Variants in POU6F2 observed in about 807,000 individuals in gnomAD.
POU6F2 encodes the protein POU class 6 homeobox 2, also known as POU domain, class 6, transcription factor 2.
In POU6F2, 31 loss-of-function variants were observed where a neutral mutation model predicts 71.3. That is an observed-to-expected ratio of 0.43 (90% CI 0.33 to 0.59). The LOEUF (loss-of-function observed/expected upper bound fraction) is 0.59, where lower values mean the gene tolerates loss of function less well. POU6F2 is among the 20% of genes least tolerant of loss of function. The probability of loss-of-function intolerance (pLI) is 0.04; values close to 1 mark genes in which losing one functional copy is unlikely to be tolerated. For missense variants in POU6F2, 783 were observed against 856.8 expected (o/e 0.91, Z 1.07); for synonymous variants, 347 against 355.7 (o/e 0.98, Z 0.27).
chr7:39,360,945 G>A (rs1786375893), intron 5 of POU6F2, among the ~76,000 whole-genome samples: 1 of 152,154 alleles, frequency 6.6e-6, no homozygotes, highest in Non-Finnish European at 1.5e-5. Context: ...TGTTTTATCA[G>A]CAAATGACCT....
At chr7:39,160,969 C>T (rs762852190) in intron 2 of POU6F2, among the ~76,000 whole-genome samples, 21 of 152,086 alleles carry the variant, frequency 1.4e-4, no homozygotes, top group Non-Finnish European at 1.9e-4. Flanking sequence ...TCATGGCAGC[C>T]GTTGATATCT....
Position 39,207,601 on chromosome 7 carries a change from G to A in POU6F2, c.579G>A (p.Leu193=). ...AAAAAGGIMT[L]PLQNLQATSS... is the part of the protein sequence containing the mutation. ...CTGCAGCCGGAGGCATTATGACTCT[G>A]CCACTGCAAAATCTACAAGGTAATC... Residue 193 remains leucine (L), a synonymous_variant, in exon 4 of 10, where the codon CTG becomes CTA. Coordinates refer to ENST00000518318, the MANE Select transcript of POU6F2 (RefSeq NM_001370959.1). 1 of 1,613,840 alleles carries A rather than the reference G, an allele frequency of 6.2e-7. No individual in the cohort carries two copies. The highest frequency in any genetic ancestry group is 1.6e-4 in the Middle Eastern group (1 of 6,062).
At chr7:39,163,619 G>C (rs1243083280) in intron 2 of POU6F2, among the ~76,000 whole-genome samples, 1 of 152,142 alleles carries the variant, frequency 6.6e-6, no homozygotes, top group Non-Finnish European at 1.5e-5. Flanking sequence ...CTTGGTTTCA[G>C]TTTCATCTTT....
intron 2 of POU6F2, among the ~76,000 whole-genome samples, chr7:39,176,890 AAAGTT>A (rs1316298393): frequency 6.6e-6 from 1 of 152,206 alleles, no homozygotes; most frequent in Non-Finnish European, 1.5e-5. Context: ...TACCAAAATA[AAAGTT>A]AAGGGGCATA....
intron 4 of POU6F2, among the ~76,000 whole-genome samples, chr7:39,272,301 T>A (rs1261496396): frequency 6.6e-6 from 1 of 152,130 alleles, no homozygotes; most frequent in African/African-American, 2.4e-5. Flanking sequence ...GGCTAATCCC[T>A]CCTCCACTCC....
intron 2 of POU6F2, among the ~76,000 whole-genome samples, chr7:39,103,584 G>A (rs1347796223): frequency 6.6e-6 from 1 of 152,180 alleles, no homozygotes; most frequent in African/African-American, 2.4e-5. Flanking sequence ...TTGACTCCTG[G>A]AAGAGTCTTG....
chr7:39,347,397 G>A (rs138731269), intron 5 of POU6F2, among the ~76,000 whole-genome samples: 47 of 152,200 alleles, frequency 3.1e-4, no homozygotes, highest in African/African-American at 7.0e-4. Flanking sequence ...GTTTCGTAGC[G>A]TCATCCTGAG....
chr7:39,087,732 T>C (rs1291088966), intron 2 of POU6F2, among the ~76,000 whole-genome samples: 2 of 152,188 alleles, frequency 1.3e-5, no homozygotes, highest in African/African-American at 4.8e-5. Flanking sequence ...TCCTAAACTT[T>C]GCATGCATTT....
At chr7:38,989,807 G>A (rs866047890) in intron 1 of POU6F2, among the ~76,000 whole-genome samples, 19 of 134,992 alleles carry the variant, frequency 1.4e-4, no homozygotes, top group South Asian at 5.4e-4. Context: ...GTGTTTGTGT[G>A]TGTGTGTGTG....
intron 4 of POU6F2, among the ~76,000 whole-genome samples, chr7:39,269,111 T>A (rs1349935777): frequency 6.6e-6 from 1 of 152,216 alleles, no homozygotes; most frequent in Non-Finnish European, 1.5e-5. Context: ...TTGATTTTTT[T>A]AGAAAGTCTG....
intron 4 of POU6F2, among the ~76,000 whole-genome samples, chr7:39,301,532 A>G (rs1784948743): frequency 6.6e-6 from 1 of 152,182 alleles, no homozygotes; most frequent in African/African-American, 2.4e-5. Flanking sequence ...TGTGTGTGTG[A>G]AACCACCACA....
intron 2 of POU6F2, among the ~76,000 whole-genome samples, chr7:39,179,515 G>A (rs533577300): frequency 2.0e-5 from 3 of 151,882 alleles, no homozygotes; most frequent in South Asian, 4.3e-4. Context: ...GACTGAGACC[G>A]CACGCGCGCA....
intron 7 of POU6F2, among the ~76,000 whole-genome samples, chr7:39,444,010 C>T (rs1333469709): frequency 2.0e-5 from 3 of 152,236 alleles, no homozygotes; most frequent in South Asian, 4.2e-4. Flanking sequence ...GACCAGATGA[C>T]CTGGAATGAT....
At chr7:39,157,329 A>G (rs1439534779) in intron 2 of POU6F2, among the ~76,000 whole-genome samples, 1 of 152,160 alleles carries the variant, frequency 6.6e-6, no homozygotes, top group African/African-American at 2.4e-5. Context: ...TGGTAATGAA[A>G]TGGTTATAAA....
At position 39,355,665 on chromosome 7, in the gene POU6F2, C is replaced by G. The variant is rs532326143; in HGVS notation, c.972+15650C>G. Among the ~76,000 whole-genome samples, 26 of 152,216 alleles carry G rather than the reference C, an allele frequency of 1.7e-4. 1 individual carries two copies. The South Asian group carries it at 4.4e-3, about 26-fold the overall frequency. ...AAAAGAACGAAAAAGAAATGCCCAC[C>G]ACCCAGCCCCCCAGCCTTCGCCCAC... On this transcript the variant is annotated intron_variant, in intron 5 of 9. Coordinates refer to ENST00000518318, the MANE Select transcript of POU6F2 (RefSeq NM_001370959.1).
At chr7:39,348,641 T>A (rs1342457846) in intron 5 of POU6F2, among the ~76,000 whole-genome samples, 1 of 152,216 alleles carries the variant, frequency 6.6e-6, no homozygotes, top group Non-Finnish European at 1.5e-5. Flanking sequence ...ACCTCTGCGA[T>A]GTTCATTTTG....
chr7:39,321,365 G>T (rs1785386607), intron 4 of POU6F2, among the ~76,000 whole-genome samples: 1 of 152,186 alleles, frequency 6.6e-6, no homozygotes, highest in Non-Finnish European at 1.5e-5. Context: ...AGGAGGGGGA[G>T]CTAAGGGGTC....
intron 2 of POU6F2, among the ~76,000 whole-genome samples, chr7:39,172,363 T>G (rs1793233275): frequency 6.6e-6 from 1 of 152,166 alleles, no homozygotes; most frequent in Admixed American, 6.5e-5. Context: ...TAACATCATT[T>G]TGGACCTGAA....
intron 1 of POU6F2, among the ~76,000 whole-genome samples, chr7:39,020,441 C>T (rs1424333741): frequency 1.3e-5 from 2 of 152,128 alleles, no homozygotes; most frequent in Admixed American, 6.6e-5. Flanking sequence ...AGAATTACAG[C>T]ATTGAGGACA....
Sources: allele counts gnomAD v4.1 joint callset (sites outside exome capture counted in the v4.1 genomes callset), GRCh38; gene constraint gnomAD v4.1.1; transcripts MANE v1.5; gene names NCBI Gene and HGNC (gene_info 2026-07-23, HGNC 2026-07-21).